Variants in SHISA9 observed in about 807,000 individuals in gnomAD.
SHISA9 encodes the protein shisa family member 9, also known as protein shisa-9.
Under a neutral mutation model 38.0 loss-of-function variants are expected in SHISA9, and 13 were observed. The ratio of observed to expected loss-of-function variants is 0.34; its 90% CI spans 0.22 to 0.54. SHISA9 has a LOEUF of 0.54. Ranked by LOEUF, SHISA9 falls within the 20% of genes least tolerant of loss-of-function variation. The pLI is 0.91. For synonymous variants in SHISA9, 275 were observed against 242.0 expected (o/e 1.14, Z -1.27); for missense variants, 538 against 575.8 (o/e 0.93, Z 0.67).
At chr16:13,469,238 C>T in the SHISA9 span, among the ~76,000 whole-genome samples, 2 of 138,128 alleles carry the variant, frequency 1.4e-5, no homozygotes, top group Admixed American at 1.5e-4. Flanking sequence ...CAAGACTCTG[C>T]CAAGAAAAAA....
chr16:13,004,574 T>G (rs534193480), intron 2 of SHISA9, among the ~76,000 whole-genome samples: 1 of 152,248 alleles, frequency 6.6e-6, no homozygotes, highest in East Asian at 1.9e-4. Flanking sequence ...GATGAATTCA[T>G]CTGGGTGAGA....
intron 2 of SHISA9, among the ~76,000 whole-genome samples, chr16:12,934,356 A>G (rs2071501522): frequency 6.6e-6 from 1 of 152,228 alleles, no homozygotes; most frequent in Non-Finnish European, 1.5e-5. Flanking sequence ...ATTGAACACT[A>G]GTCCTTTGAA....
the SHISA9 span, among the ~76,000 whole-genome samples, chr16:13,416,055 A>C: frequency 6.6e-6 from 1 of 152,154 alleles, no homozygotes; most frequent in Non-Finnish European, 1.5e-5. Context: ...AGGATATATG[A>C]CTGTGATTGG....
At chr16:13,523,285 C>T in the SHISA9 span, among the ~76,000 whole-genome samples, 3 of 152,098 alleles carry the variant, frequency 2.0e-5, no homozygotes, top group South Asian at 2.1e-4. Flanking sequence ...GGGAGGTGGA[C>T]GTTGCAGTGA....
chr16:13,294,289 TG>T, the SHISA9 span, among the ~76,000 whole-genome samples: 3 of 152,186 alleles, frequency 2.0e-5, no homozygotes, highest in Admixed American at 6.5e-5. Context: ...TGCCCCAGGA[TG>T]GGTTCAGCAC....
the SHISA9 span, among the ~76,000 whole-genome samples, chr16:13,370,634 T>C: frequency 0.82 from 124,657 of 152,114 alleles, 51,211 homozygotes; most frequent in East Asian, 0.96. Flanking sequence ...GTCATAAAAA[T>C]GTCTTGTTCA....
chr16:13,011,348 C>G (rs1286623504), intron 2 of SHISA9, among the ~76,000 whole-genome samples: 1 of 132,948 alleles, frequency 7.5e-6, no homozygotes, highest in African/African-American at 2.8e-5. Context: ...GCAAGAGCAG[C>G]TACAATCTAC....
intron 2 of SHISA9, among the ~76,000 whole-genome samples, chr16:12,940,749 C>T (rs1164977625): frequency 1.3e-5 from 2 of 152,164 alleles, no homozygotes; most frequent in Admixed American, 6.6e-5. Flanking sequence ...CATTCAAATC[C>T]ATGGGTTCTG....
At chr16:13,356,433 C>T in the SHISA9 span, among the ~76,000 whole-genome samples, 1 of 152,152 alleles carries the variant, frequency 6.6e-6, no homozygotes, top group African/African-American at 2.4e-5. Flanking sequence ...GGAGCATTAA[C>T]CTTGACTGTG....
At chr16:13,497,733 A>T in the SHISA9 span, among the ~76,000 whole-genome samples, 1 of 151,948 alleles carries the variant, frequency 6.6e-6, no homozygotes, top group African/African-American at 2.4e-5. Flanking sequence ...ACAAATTAAA[A>T]TTTTAATAAG....
At chr16:13,276,357 A>C in the SHISA9 span, among the ~76,000 whole-genome samples, 1 of 152,010 alleles carries the variant, frequency 6.6e-6, no homozygotes, top group Admixed American at 6.6e-5. Context: ...TGCTGTTGTG[A>C]ATTGTGCCAC....
At position 13,224,016 on chromosome 16, in the gene SHISA9, T is replaced by A. The variant is rs550451779; in HGVS notation, c.895+10716T>A. 4.6e-5 allele frequency among the ~76,000 whole-genome samples: 7 copies of A among 152,332 alleles called. No homozygotes were observed. In the South Asian group the frequency reaches 1.4e-3, roughly 32 times the overall value. Reference sequence around the variant, plus strand: ...ATAAACAGCCAAAGCTCTCTGAGCCTCAGTTTCCCTACTTATAAAATAAAA... The same window carrying A: ...ATAAACAGCCAAAGCTCTCTGAGCCACAGTTTCCCTACTTATAAAATAAAA... On this transcript the variant is annotated intron_variant, in intron 4 of 4. Transcript: ENST00000558583.
chr16:12,906,961 T>C (rs370117024), intron 1 of SHISA9, among the ~76,000 whole-genome samples: 13 of 151,680 alleles, frequency 8.6e-5, no homozygotes, highest in African/African-American at 3.2e-4. Flanking sequence ...TGAACAATTA[T>C]TAGTATTTTG....
At chr16:13,339,165 C>CTTT in the SHISA9 span, among the ~76,000 whole-genome samples, 15,386 of 132,682 alleles carry the variant, frequency 0.12, 1,200 homozygotes, top group Non-Finnish European at 0.17. Context: ...CTTATTGTGA[C>CTTT]TTTTTTTTTT....
At chr16:13,209,908 G>C (rs1363427957) in intron 3 of SHISA9, among the ~76,000 whole-genome samples, 2 of 152,156 alleles carry the variant, frequency 1.3e-5, no homozygotes, top group African/African-American at 4.8e-5. Context: ...AGACCATCCT[G>C]GTTAACCCAG....
At chr16:13,520,918 A>G in the SHISA9 span, among the ~76,000 whole-genome samples, 3 of 152,158 alleles carry the variant, frequency 2.0e-5, no homozygotes, top group African/African-American at 7.2e-5. Flanking sequence ...ACATGCACAC[A>G]TTGTGCAATG....
chr16:13,006,941 G>T (rs1261381957), intron 2 of SHISA9, among the ~76,000 whole-genome samples: 1 of 152,052 alleles, frequency 6.6e-6, no homozygotes, highest in African/African-American at 2.4e-5. Flanking sequence ...CTAACTGTGG[G>T]TATCTTCAGC....
At chr16:13,538,780 T>G in the SHISA9 span, among the ~76,000 whole-genome samples, 1 of 152,242 alleles carries the variant, frequency 6.6e-6, no homozygotes, top group Non-Finnish European at 1.5e-5. Flanking sequence ...AGCACATCCA[T>G]TCATTGAATT....
the SHISA9 span, among the ~76,000 whole-genome samples, chr16:13,455,778 C>G: frequency 6.6e-6 from 1 of 152,160 alleles, no homozygotes; most frequent in Non-Finnish European, 1.5e-5. Context: ...ACCACCCTAA[C>G]CGCAGCCTCC....
Sources: allele counts gnomAD v4.1 joint callset (sites outside exome capture counted in the v4.1 genomes callset), GRCh38; gene constraint gnomAD v4.1.1; transcripts MANE v1.5; gene names NCBI Gene and HGNC (gene_info 2026-07-23, HGNC 2026-07-21).